The following PTPRD variants were observed in gnomAD, a reference collection of about 807,000 sequenced individuals.
The protein encoded by PTPRD is receptor-type tyrosine-protein phosphatase delta.
Under a neutral mutation model 214.5 loss-of-function variants are expected in PTPRD, and 34 were observed. The ratio of observed to expected loss-of-function variants is 0.16; its 90% CI spans 0.12 to 0.21. PTPRD has a LOEUF of 0.21. Ranked by LOEUF, PTPRD falls within the 10% of genes least tolerant of loss-of-function variation. The pLI is 1.00. For missense variants in PTPRD, 2,545 were observed against 2,398.7 expected (o/e 1.06, Z -1.27); for synonymous variants, 1,128 against 845.7 (o/e 1.33, Z -5.79).
chr9:8,831,213 T>C (rs1393886611), intron 11 of PTPRD, among the ~76,000 whole-genome samples: 1 of 152,194 alleles, frequency 6.6e-6, no homozygotes, highest in Admixed American at 6.6e-5. Context: ...TCCAAAACTG[T>C]CATGAATTCA....
At chr9:10,520,284 T>C (rs181647748) in intron 2 of PTPRD, among the ~76,000 whole-genome samples, 20 of 152,244 alleles carry the variant, frequency 1.3e-4, no homozygotes, top group African/African-American at 3.8e-4. Flanking sequence ...GTGGTCTACA[T>C]AGAAAATCAA....
At chr9:8,534,242 A>G (rs189653711) in intron 14 of PTPRD, among the ~76,000 whole-genome samples, 3 of 151,952 alleles carry the variant, frequency 2.0e-5, no homozygotes, top group African/African-American at 7.2e-5. Context: ...AAGCATGACC[A>G]CATGACAAAA....
chr9:10,123,327 T>G (rs549147508), intron 3 of PTPRD, among the ~76,000 whole-genome samples: 25 of 152,334 alleles, frequency 1.6e-4, no homozygotes, highest in African/African-American at 4.8e-4. Flanking sequence ...GTGTGTGAAC[T>G]TGTGAGGTGA....
chr9:9,394,692 G>C (rs578096418), intron 9 of PTPRD, among the ~76,000 whole-genome samples: 5 of 151,952 alleles, frequency 3.3e-5, no homozygotes, highest in Non-Finnish European at 5.9e-5. Context: ...AGCTCTATTG[G>C]TGCATAGAAT....
intron 7 of PTPRD, among the ~76,000 whole-genome samples, chr9:9,668,314 A>G (rs1407305349): frequency 6.6e-6 from 1 of 152,134 alleles, no homozygotes; most frequent in Admixed American, 6.6e-5. Context: ...AAGTCTTCGC[A>G]TTTCCTCTCC....
intron 7 of PTPRD, among the ~76,000 whole-genome samples, chr9:9,640,234 C>T (rs1420243754): frequency 6.6e-6 from 1 of 152,124 alleles, no homozygotes; most frequent in Non-Finnish European, 1.5e-5. Context: ...CTAAATATGG[C>T]CAATGAGGTG....
rs142489456 is a variant in PTPRD at position 9,086,621 on chromosome 9, T to G, written c.-142-67886A>C. 4.2e-3 allele frequency among the ~76,000 whole-genome samples: 640 copies of G among 152,298 alleles called. 5 individuals carry two copies. Among genetic ancestry groups the G allele is most frequent in the African/African-American group, 0.014 (596 of 41,578 alleles). On this transcript the variant is annotated intron_variant, in intron 10 of 45. Transcript: ENST00000381196. ...TCCCTGCAGCTGTGGAAAGTGGGCT[T>G]AAATTGTTCCTAGGAAATATAGGTG...
chr9:10,059,248 T>C (rs1228236705), intron 3 of PTPRD, among the ~76,000 whole-genome samples: 1 of 152,158 alleles, frequency 6.6e-6, no homozygotes, highest in Admixed American at 6.6e-5. Flanking sequence ...CACATACTCC[T>C]GCTCAGCAGT....
intron 3 of PTPRD, among the ~76,000 whole-genome samples, chr9:10,314,742 A>G (rs987238011): frequency 6.6e-6 from 1 of 151,982 alleles, no homozygotes; most frequent in Non-Finnish European, 1.5e-5. Context: ...CAAGAGTACA[A>G]CAGTGATCAA....
intron 5 of PTPRD, among the ~76,000 whole-genome samples, chr9:9,916,790 A>G (rs900534966): frequency 2.0e-5 from 3 of 152,036 alleles, no homozygotes; most frequent in African/African-American, 7.2e-5. Context: ...TCTGCACATC[A>G]GCACATGGAA....
At chr9:9,216,826 C>A (rs529145201) in intron 9 of PTPRD, among the ~76,000 whole-genome samples, 30 of 152,036 alleles carry the variant, frequency 2.0e-4, no homozygotes, top group Non-Finnish European at 3.7e-4. Context: ...AAATCTATAA[C>A]TGTGTTAATA....
At chr9:9,549,809 T>C (rs928298056) in intron 8 of PTPRD, among the ~76,000 whole-genome samples, 1 of 152,012 alleles carries the variant, frequency 6.6e-6, no homozygotes, top group African/African-American at 2.4e-5. Flanking sequence ...TAGTCTTAAA[T>C]ACAAAACACA....
chr9:8,604,756 A>G (rs2095099700), intron 14 of PTPRD, among the ~76,000 whole-genome samples: 2 of 152,202 alleles, frequency 1.3e-5, no homozygotes, highest in African/African-American at 4.8e-5. Context: ...ATAAGGAGGA[A>G]AAGAGAAATC....
At chr9:8,626,545 A>C (rs79247529) in intron 14 of PTPRD, among the ~76,000 whole-genome samples, 1 of 151,834 alleles carries the variant, frequency 6.6e-6, no homozygotes, top group African/African-American at 2.4e-5. Flanking sequence ...TATCTTGAGC[A>C]TTACTGTCAG....
intron 5 of PTPRD, among the ~76,000 whole-genome samples, chr9:9,918,707 A>G (rs2081666989): frequency 6.6e-6 from 1 of 152,162 alleles, no homozygotes; most frequent in Non-Finnish European, 1.5e-5. Flanking sequence ...AAAAACAGAA[A>G]GAGACCAATA....
intron 7 of PTPRD, among the ~76,000 whole-genome samples, chr9:9,703,770 A>C (rs1365130075): frequency 1.3e-5 from 2 of 152,224 alleles, no homozygotes; most frequent in African/African-American, 4.8e-5. Context: ...AGATTAATAA[A>C]ATAACCCTAA....
intron 2 of PTPRD, among the ~76,000 whole-genome samples, chr9:10,415,881 A>T (rs1040806186): frequency 5.3e-5 from 8 of 151,906 alleles, no homozygotes; most frequent in Non-Finnish European, 8.8e-5. Flanking sequence ...GCATGAAGTG[A>T]GAAGAAACAG....
At chr9:9,796,612 G>A (rs1213975672) in intron 5 of PTPRD, among the ~76,000 whole-genome samples, 4 of 152,082 alleles carry the variant, frequency 2.6e-5, no homozygotes, top group Admixed American at 6.6e-5. Flanking sequence ...GGAGTAAAAT[G>A]AGGAACCAAA....
intron 8 of PTPRD, among the ~76,000 whole-genome samples, chr9:9,435,799 G>A (rs1411252332): frequency 3.3e-5 from 5 of 151,892 alleles, no homozygotes; most frequent in African/African-American, 1.2e-4. Flanking sequence ...AGAAACCTGT[G>A]GGATATAATA....
Sources: gnomAD v4.1 joint callset for allele counts (sites outside exome capture counted in the v4.1 genomes callset) on GRCh38, gnomAD v4.1.1 for gene constraint, MANE v1.5 for transcripts, NCBI Gene and HGNC (gene_info 2026-07-23, HGNC 2026-07-21) for gene names.